Variants in NT5M observed in about 807,000 individuals in gnomAD.
The protein encoded by NT5M is 5',3'-nucleotidase, mitochondrial.
NT5M carries 22 observed loss-of-function variants against 22.2 expected under a neutral mutation model. The ratio of observed to expected loss-of-function variants is 0.99; its 90% CI spans 0.71 to 1.41. The LOEUF (loss-of-function observed/expected upper bound fraction) is 1.41. Ranked by LOEUF, NT5M falls within the 40% of genes most tolerant of loss-of-function variation. The probability of loss-of-function intolerance (pLI) is 0.00; values close to 1 mark genes in which losing one functional copy is unlikely to be tolerated. For synonymous variants in NT5M, 167 were observed against 133.0 expected (o/e 1.26, Z -1.76); for missense variants, 322 against 314.8 (o/e 1.02, Z -0.17).
intron 3 of NT5M, among the ~76,000 whole-genome samples, chr17:17,336,660 C>T (rs1237669844): frequency 6.6e-6 from 1 of 151,600 alleles, no homozygotes; most frequent in Non-Finnish European, 1.5e-5. Context: ...AAGTGATTCT[C>T]CTGCCTCAGC....
chr17:17,346,683 C>G, intron 4 of NT5M, 122 bp from the exon 5 acceptor site: 1 of 1,204,742 alleles, frequency 8.3e-7, no homozygotes, highest in South Asian at 1.4e-5. Flanking sequence ...TGCAGTCACC[C>G]CTTTACAGAG....
chr17:17,308,336 A>G lies in NT5M; in HGVS notation c.368+1693A>G, dbSNP rs61060903. 5.4e-3 allele frequency among the ~76,000 whole-genome samples: 820 copies of G among 152,202 alleles called. 5 individuals are homozygous for G. The highest frequency in any genetic ancestry group is 0.019 in the African/African-American group (789 of 41,564). ...CAGCTGGGCGCCGTGGCTCATGCCT[A>G]CAATCCCAGCACTTTGGGAGGTCGA... On this transcript the variant is annotated intron_variant, in intron 2 of 4. Coordinates refer to ENST00000389022, the MANE Select transcript of NT5M (RefSeq NM_020201.4).
chr17:17,345,047 G>A (rs192861936), intron 4 of NT5M, 139 bp downstream of exon 4: 27 of 1,290,042 alleles, frequency 2.1e-5, no homozygotes, highest in South Asian at 1.0e-4. Flanking sequence ...CCTCCCCTTC[G>A]GGAAGACAAG....
In NT5M at chr17:17,334,607, C is replaced by A. The variant is rs573372440; in HGVS notation, c.430-10187C>A. On this transcript the variant is annotated intron_variant, in intron 3 of 4. Transcript: ENST00000389022. ...TCTCGTGCCTCAGCCTCCCGAGTAG[C>A]TGGGATTACAGGCACGCGCCACCAC... Among the ~76,000 whole-genome samples the A allele has an allele frequency of 8.6e-5, 13 of 151,246 alleles. No homozygotes were observed. In the South Asian group the frequency reaches 2.7e-3, roughly 32 times the overall value.
chr17:17,316,661 C>T (rs1020087598), intron 2 of NT5M, among the ~76,000 whole-genome samples: 3 of 152,074 alleles, frequency 2.0e-5, no homozygotes, highest in Admixed American at 2.0e-4. Flanking sequence ...CAGAAGTGAG[C>T]CACCGTGCCC....
intron 2 of NT5M, among the ~76,000 whole-genome samples, chr17:17,307,730 C>T (rs1203608597): frequency 1.3e-5 from 2 of 152,122 alleles, no homozygotes; most frequent in African/African-American, 4.8e-5. Flanking sequence ...GCGGCATGCA[C>T]ATGTAGTCCC....
chr17:17,337,751 A>G (rs565393264), intron 3 of NT5M, among the ~76,000 whole-genome samples: 1 of 152,266 alleles, frequency 6.6e-6, no homozygotes, highest in Admixed American at 6.5e-5. Flanking sequence ...AAATCAGATT[A>G]TTAGATTTTT....
intron 3 of NT5M, among the ~76,000 whole-genome samples, chr17:17,342,336 G>C (rs2049660807): frequency 6.6e-6 from 1 of 152,014 alleles, no homozygotes; most frequent in African/African-American, 2.4e-5. Flanking sequence ...ACGGGATCTC[G>C]TCACCACTAT....
At chr17:17,304,623 A>G (rs2048754327) in intron 1 of NT5M, 1 of 160,458 alleles carries the variant, frequency 6.2e-6, no homozygotes, top group African/African-American at 2.4e-5. Flanking sequence ...GGAAGTTACA[A>G]GAGCCCGTTT....
intron 2 of NT5M, among the ~76,000 whole-genome samples, chr17:17,319,484 T>C (rs1418550241): frequency 2.0e-5 from 3 of 152,236 alleles, no homozygotes; most frequent in African/African-American, 7.2e-5. Flanking sequence ...AAATGTTTAC[T>C]CAAACATTTA....
Position 17,327,781 on chromosome 17 carries a change from C to G in NT5M, c.429+4536C>G, listed in dbSNP as rs1477485915. ...TCCACCTGCCTCGGTCTCCCAAATG[C>G]TGGGATTACAGGCGTGAGCCACCAC... On this transcript the variant is annotated intron_variant, in intron 3 of 4. Transcript: ENST00000389022. Among the ~76,000 whole-genome samples the G allele has an allele frequency of 3.8e-5, 4 of 105,852 alleles. 2 individuals carry two copies. In the Admixed American group the frequency reaches 3.9e-4, roughly 10 times the overall value. 69.4% of individuals were successfully genotyped at this position (105,852 alleles called of 152,430 possible).
rs141297333 is a variant in NT5M at position 17,329,103 on chromosome 17, G to A, written c.429+5858G>A. Among the ~76,000 whole-genome samples, 1,471 of 152,006 alleles carry A rather than the reference G, an allele frequency of 9.7e-3. 37 individuals carry two copies. The highest frequency in any genetic ancestry group is 0.033 in the African/African-American group (1,381 of 41,444). On this transcript the variant is annotated intron_variant, in intron 3 of 4. Transcript: ENST00000389022. Reference sequence around the variant, plus strand: ...TGCCATTCTCCTGCCTCAGCCTCCCGAGTAGCTGGGACTACAGGTGCCTGC... The same window carrying A: ...TGCCATTCTCCTGCCTCAGCCTCCCAAGTAGCTGGGACTACAGGTGCCTGC...
intron 2 of NT5M, among the ~76,000 whole-genome samples, chr17:17,320,814 G>A (rs890981885): frequency 1.3e-5 from 2 of 152,184 alleles, no homozygotes; most frequent in African/African-American, 4.8e-5. Context: ...AGGAGCGCAG[G>A]CTAGGACCCA....
At chr17:17,329,168 C>T (rs913482805) in intron 3 of NT5M, among the ~76,000 whole-genome samples, 5 of 152,040 alleles carry the variant, frequency 3.3e-5, no homozygotes, top group Non-Finnish European at 7.4e-5. Context: ...TTAGTAGAGA[C>T]GGGGTTTCAC....
chr17:17,327,214 C>T lies in NT5M; in HGVS notation c.429+3969C>T, dbSNP rs1381640860. ...CAGGTGAGCCACCACACCCAGCCCT[C>T]GTTTTTCTTTGATGCGTATTAAATA... On this transcript the variant is annotated intron_variant, in intron 3 of 4. Coordinates refer to ENST00000389022, the MANE Select transcript of NT5M (RefSeq NM_020201.4). 2.9e-5 allele frequency among the ~76,000 whole-genome samples: 3 copies of T among 104,148 alleles called. 1 individual carries two copies. Among genetic ancestry groups the T allele is most frequent in the African/African-American group, 6.6e-5 (2 of 30,114 alleles). 68.3% of individuals were successfully genotyped at this position (104,148 alleles called of 152,430 possible).
chr17:17,342,098 GC>G (rs2049655965), intron 3 of NT5M, among the ~76,000 whole-genome samples: 1 of 151,954 alleles, frequency 6.6e-6, no homozygotes, highest in Non-Finnish European at 1.5e-5. Context: ...ACATATAAAA[GC>G]TAAAAGTATA....
rs960467104 is a variant in NT5M, at chr17:17,331,536, T to G, written c.429+8291T>G. Among the ~76,000 whole-genome samples the G allele has an allele frequency of 1.1e-4, 16 of 151,724 alleles. 1 individual carries two copies. The highest frequency in any genetic ancestry group is 3.9e-4 in the African/African-American group (16 of 40,994). On this transcript the variant is annotated intron_variant, in intron 3 of 4. Transcript: ENST00000389022. ...CTAACTCACTCCTTCTAGTTAGATC[T>G]GGCCATTTCATCATTGTAATAGGGA...
chr17:17,335,249 T>C (rs576134691), intron 3 of NT5M, among the ~76,000 whole-genome samples: 16 of 152,212 alleles, frequency 1.1e-4, no homozygotes, highest in Admixed American at 6.5e-4. Context: ...TTTCCAAATA[T>C]ATAGAATACA....
intron 2 of NT5M, among the ~76,000 whole-genome samples, chr17:17,307,296 T>C (rs912885123): frequency 6.6e-6 from 1 of 152,092 alleles, no homozygotes; most frequent in Non-Finnish European, 1.5e-5. Context: ...CTTGCCCTCA[T>C]GGAGCTTCTA....
Sources: allele counts gnomAD v4.1 joint callset (sites outside exome capture counted in the v4.1 genomes callset), GRCh38; gene constraint gnomAD v4.1.1; transcripts MANE v1.5; gene names NCBI Gene and HGNC (gene_info 2026-07-23, HGNC 2026-07-21).